Variants in FREM1 observed in about 807,000 individuals in gnomAD.
FREM1 encodes the protein FRAS1-related extracellular matrix protein 1.
A neutral mutation model predicts 210.1 loss-of-function variants in FREM1; 220 were observed. The observed-to-expected ratio is 1.05, with a 90% CI of 0.94 to 1.17. The LOEUF is 1.17. FREM1 is among the 50% of genes most tolerant of loss of function. The pLI is 0.00. For missense variants in FREM1, 3,454 were observed against 2,675.5 expected (o/e 1.29, Z -6.42); for synonymous variants, 1,189 against 980.2 (o/e 1.21, Z -3.98).
At chr9:14,895,262 A>G (rs1224148000) in intron 1 of FREM1, among the ~76,000 whole-genome samples, 2 of 152,264 alleles carry the variant, frequency 1.3e-5, no homozygotes, top group African/African-American at 4.8e-5. Context: ...CAGGCCAAGT[A>G]TAATAAAGCA....
At position 14,846,775 on chromosome 9, in the gene FREM1, C is replaced by T. The variant is rs140305360; in HGVS notation, c.1262-684G>A. ...GCAAGCTGGTCGAATTGCAAGGTAG[C>T]GTGCTGCTGGACTTATCTTATGCTT... On this transcript the variant is annotated intron_variant, in intron 7 of 36. Coordinates refer to ENST00000380880, the MANE Select transcript of FREM1 (RefSeq NM_001379081.2). Among the ~76,000 whole-genome samples, 84 of 152,310 alleles carry T rather than the reference C, an allele frequency of 5.5e-4. 1 individual carries two copies. In the East Asian group the frequency reaches 0.014, roughly 25 times the overall value.
At chr9:14,816,127 A>G (rs1820258734) in intron 15 of FREM1, among the ~76,000 whole-genome samples, 1 of 152,198 alleles carries the variant, frequency 6.6e-6, no homozygotes, top group Admixed American at 6.5e-5. Flanking sequence ...CCACTGCTAA[A>G]CAAATATTTC....
At chr9:14,868,048 G>T (rs1250716673) in intron 2 of FREM1, among the ~76,000 whole-genome samples, 1 of 152,132 alleles carries the variant, frequency 6.6e-6, no homozygotes, top group African/African-American at 2.4e-5. Flanking sequence ...TAATTTCAAA[G>T]AACAGTGAAT....
chr9:14,825,437 G>T (rs1336537683), intron 10 of FREM1, among the ~76,000 whole-genome samples: 1 of 145,624 alleles, frequency 6.9e-6, no homozygotes, highest in South Asian at 2.2e-4. Context: ...GCAGTGGGCT[G>T]AGATCACGCC....
At chr9:14,851,225 G>A in intron 6 of FREM1, 59 bp downstream of exon 6, 2 of 1,250,092 alleles carry the variant, frequency 1.6e-6, no homozygotes, top group Non-Finnish European at 2.2e-6. Context: ...TAGGGTAGGG[G>A]GTTCTTAAAT....
chr9:14,765,481 A>G (rs990638352), intron 27 of FREM1, among the ~76,000 whole-genome samples: 19 of 152,334 alleles, frequency 1.2e-4, no homozygotes, highest in Admixed American at 1.2e-3. Context: ...ATTAGTTAGT[A>G]TGTATAAAGC....
chr9:14,863,980 G>A, intron 2 of FREM1, 77 bp from the exon 3 acceptor site: 1 of 873,714 alleles, frequency 1.1e-6, no homozygotes, highest in Non-Finnish European at 1.9e-6. Context: ...GGAGAGCACT[G>A]CCTGGAGAAA....
At chr9:14,793,647 T>C (rs1008973000) in intron 21 of FREM1, among the ~76,000 whole-genome samples, 4 of 152,208 alleles carry the variant, frequency 2.6e-5, no homozygotes, top group Admixed American at 6.5e-5. Context: ...GGTTTCTAGC[T>C]CTCAGTTGTG....
chr9:14,871,105 C>G (rs891993485), intron 1 of FREM1, among the ~76,000 whole-genome samples: 1 of 152,240 alleles, frequency 6.6e-6, no homozygotes, highest in South Asian at 2.1e-4. Flanking sequence ...AATGGAGCTG[C>G]AATAAACATA....
chr9:14,831,217 T>C (rs1331775085), intron 10 of FREM1, among the ~76,000 whole-genome samples: 2 of 152,188 alleles, frequency 1.3e-5, no homozygotes, highest in Non-Finnish European at 2.9e-5. Flanking sequence ...ATTCTGGGTG[T>C]TGGCAGAGAA....
In FREM1 at chr9:14,806,812, T is replaced by G. The variant is rs201772133; in HGVS notation, c.3123A>C (p.Thr1041=). ...PVFVVDEGCS[T]ALTVNHLSAT... is the part of the protein sequence containing the mutation. ...CGGACAAATGGTTAACAGTAAGGGC[T>G]GTTGAGCAGCCCTCATCTACAACAA... is the stretch of plus-strand genomic sequence containing the variant. Residue 1041 remains threonine, a synonymous_variant, in exon 18 of 37, where the codon ACA becomes ACC. Coordinates refer to ENST00000380880, the MANE Select transcript of FREM1 (RefSeq NM_001379081.2). 1.8e-4 allele frequency: 296 copies of G among 1,607,236 alleles called. 1 individual carries two copies. Among genetic ancestry groups the G allele is most frequent in the Non-Finnish European group, 3.8e-5 (45 of 1,176,560 alleles).
At chr9:14,779,154 G>C (rs1849236459) in intron 24 of FREM1, among the ~76,000 whole-genome samples, 1 of 152,040 alleles carries the variant, frequency 6.6e-6, no homozygotes, top group African/African-American at 2.4e-5. Context: ...GTGCCTCCAA[G>C]TTCCCTTTTT....
intron 27 of FREM1, among the ~76,000 whole-genome samples, chr9:14,761,719 G>A (rs1216423850): frequency 6.6e-6 from 1 of 152,100 alleles, no homozygotes; most frequent in Non-Finnish European, 1.5e-5. Flanking sequence ...TGTTCCACTT[G>A]GGGCAAGAAT....
chr9:14,765,970 T>C (rs903697352), intron 27 of FREM1, among the ~76,000 whole-genome samples: 15 of 152,302 alleles, frequency 9.8e-5, no homozygotes, highest in Admixed American at 3.9e-4. Context: ...ATGTGGGTCC[T>C]GTGTAACTTA....
intron 27 of FREM1, among the ~76,000 whole-genome samples, chr9:14,768,296 C>T (rs1331720790): frequency 4.1e-5 from 6 of 144,934 alleles, no homozygotes; most frequent in Non-Finnish European, 6.0e-5. Context: ...GTGAAGTCCA[C>T]GTATTAACAT....
rs1462739752 is a variant in FREM1, at chr9:14,740,192, C to T, written c.6297G>A (p.Met2099Ile). The T allele has an allele frequency of 1.2e-6, 2 of 1,613,348 alleles. No homozygotes were observed. Among genetic ancestry groups the T allele is most frequent in the Admixed American group, 3.3e-5 (2 of 59,974 alleles). Residue 2099 changes from methionine (M) to isoleucine (I), a missense_variant, in exon 36 of 37, where the codon ATG (methionine) becomes ATA (isoleucine). Transcript: ENST00000380880. Reference sequence around the variant, plus strand: ...TCCCACCAATGTCCCAGAGCCACCGCATGTGCTGCCTGGAGAATACAGTTA... The same window carrying T: ...TCCCACCAATGTCCCAGAGCCACCGTATGTGCTGCCTGGAGAATACAGTTA... ...NLVTVFSRQH[M>I]RWLWDIGGRK...
chr9:14,901,450 TGTTC>T (rs1295507595), intron 1 of FREM1, among the ~76,000 whole-genome samples: 2 of 152,196 alleles, frequency 1.3e-5, no homozygotes, highest in African/African-American at 4.8e-5. Flanking sequence ...ACCTCAATCT[TGTTC>T]GTTTCAGCCC....
chr9:14,846,337 C>G (rs1826610359), intron 7 of FREM1, among the ~76,000 whole-genome samples: 1 of 152,026 alleles, frequency 6.6e-6, no homozygotes, highest in Non-Finnish European at 1.5e-5. Context: ...GGGAGGGGAA[C>G]ATCACACACC....
At chr9:14,831,941 C>G (rs1017476339) in intron 10 of FREM1, among the ~76,000 whole-genome samples, 2 of 152,162 alleles carry the variant, frequency 1.3e-5, no homozygotes, top group African/African-American at 2.4e-5. Flanking sequence ...GCTGGGGGGA[C>G]GCCCTCTACT....
Sources: allele counts gnomAD v4.1 joint callset (sites outside exome capture counted in the v4.1 genomes callset), GRCh38; gene constraint gnomAD v4.1.1; transcripts MANE v1.5; gene names NCBI Gene and HGNC (gene_info 2026-07-23, HGNC 2026-07-21).